The following P2RX3 variants were observed in gnomAD, a reference collection of about 807,000 sequenced individuals.
P2RX3 encodes P2X purinoceptor 3.
In P2RX3, 41 loss-of-function variants were observed where a neutral mutation model predicts 51.5. The observed-to-expected ratio is 0.80, with a 90% confidence interval of 0.62 to 1.03. The LOEUF (loss-of-function observed/expected upper bound fraction) is 1.03. P2RX3 is among the 50% of genes least tolerant of loss of function. The pLI, the probability that P2RX3 is intolerant of heterozygous loss-of-function variation, is 0.00. For missense variants in P2RX3, 459 were observed against 522.1 expected, an observed-to-expected ratio of 0.88 and a Z score of 1.18; for synonymous variants, 185 against 191.6, an observed-to-expected ratio of 0.97 and a Z score of 0.29.
intron 4 of P2RX3, 82 bp from the exon 5 acceptor site, chr11:57,348,088 T>G: frequency 2.9e-5 from 35 of 1,225,324 alleles, no homozygotes; most frequent in Non-Finnish European, 3.7e-5. Flanking sequence ...GGGTCCCTGA[T>G]GGGGGGAAGG....
intron 5 of P2RX3, 63 bp from the exon 6 acceptor site, chr11:57,348,564 G>A (rs1856485225): frequency 7.0e-6 from 10 of 1,427,462 alleles, no homozygotes; most frequent in Non-Finnish European, 9.9e-6. Flanking sequence ...TCGCCCTCAG[G>A]TGAAAGCCTT....
rs765276339 is a variant in P2RX3 at position 57,369,897 on chromosome 11, C to T, written c.1094C>T (p.Thr365Met). 33 of 1,612,354 alleles carry T rather than the reference C, an allele frequency of 2.0e-5. No homozygotes were observed. Among genetic ancestry groups the T allele is most frequent in the South Asian group, 8.8e-5 (8 of 91,022 alleles). The stretch of plus-strand genomic sequence containing the variant: ...TTTCGCCTGCAGGTGAATGAGACTA[C>T]GCTGAAAATCGCGGCTTTGACCAAC... ...AKKFEEVNET[T>M]LKIAALTNPV... is the part of the protein sequence containing the mutation. Residue 365 changes from threonine (T) to methionine (M), a missense_variant, in exon 12 of 12, where the codon ACG (threonine) becomes ATG (methionine). Coordinates refer to ENST00000263314, the MANE Select transcript of P2RX3 (RefSeq NM_002559.5).
At chr11:57,345,769 C>A (rs1400808305) in intron 1 of P2RX3, among the ~76,000 whole-genome samples, 1 of 152,068 alleles carries the variant, frequency 6.6e-6, no homozygotes, top group East Asian at 1.9e-4. Flanking sequence ...TCCACGTGGT[C>A]CCATTATGGC....
chr11:57,343,268 GT>G (rs1319893540), intron 1 of P2RX3, among the ~76,000 whole-genome samples: 1 of 152,226 alleles, frequency 6.6e-6, no homozygotes, highest in Non-Finnish European at 1.5e-5. Flanking sequence ...GGAGGAGGAG[GT>G]AGGAGATTGG....
Position 57,345,656 on chromosome 11 carries a change from G to A in P2RX3, c.120-888G>A, listed in dbSNP as rs912296104. Reference sequence around the variant, plus strand: ...CAAATGGAAAGGCAGGCACTTTATAGGAAAGCAGAGGCACGAGTTGCCAGC... The same window carrying A: ...CAAATGGAAAGGCAGGCACTTTATAAGAAAGCAGAGGCACGAGTTGCCAGC... On this transcript the variant is annotated intron_variant, in intron 1 of 11. Coordinates refer to ENST00000263314, the MANE Select transcript of P2RX3 (RefSeq NM_002559.5). Among the ~76,000 whole-genome samples, 19 of 152,180 alleles carry A rather than the reference G, an allele frequency of 1.2e-4. 1 individual carries two copies. The highest frequency in any genetic ancestry group is 4.3e-4 in the African/African-American group (18 of 41,446).
chr11:57,360,426 G>T (rs1856696437), intron 8 of P2RX3, among the ~76,000 whole-genome samples: 1 of 152,176 alleles, frequency 6.6e-6, no homozygotes, highest in African/African-American at 2.4e-5. Flanking sequence ...AAGAATCTCA[G>T]AAATTATTTA....
chr11:57,367,328 G>A (rs997929332), intron 8 of P2RX3, among the ~76,000 whole-genome samples: 1 of 152,216 alleles, frequency 6.6e-6, no homozygotes, highest in Non-Finnish European at 1.5e-5. Flanking sequence ...GAGTGAGCTG[G>A]GCTCTGGGAG....
chr11:57,341,694 C>A (rs1590621180), intron 1 of P2RX3, among the ~76,000 whole-genome samples: 1 of 152,164 alleles, frequency 6.6e-6, no homozygotes, highest in Admixed American at 6.5e-5. Flanking sequence ...ATAGCCTGTG[C>A]TTGGCCTGAG....
rs1856506092 is a variant in P2RX3 at position 57,349,628 on chromosome 11, TG to T, written c.564-127del. On this transcript the variant is annotated intron_variant, in intron 6 of 11. Coordinates refer to ENST00000263314, the MANE Select transcript of P2RX3 (RefSeq NM_002559.5). The stretch of plus-strand genomic sequence containing the variant: ...AGGGAAAGGAAAGAGGGGAGGGAGA[TG>T]GCGAGGTCCAGATGAAGGCTGAGGG... The T allele has an allele frequency of 5.6e-6, 6 of 1,079,374 alleles. No homozygotes were observed. In the East Asian group the frequency reaches 1.6e-4, roughly 28 times the overall value. 66.9% of individuals were successfully genotyped at this position (1,079,374 alleles called of 1,614,324 possible). A position where few individuals can be genotyped will look rare whatever the true frequency, so the allele number is the denominator to read the frequency against.
rs373800110 is a variant in P2RX3 at position 57,349,737 on chromosome 11, C to T, written c.564-20C>T. On this transcript the variant is annotated intron_variant, in intron 6 of 11. Coordinates refer to ENST00000263314, the MANE Select transcript of P2RX3 (RefSeq NM_002559.5). The stretch of plus-strand genomic sequence containing the variant: ...CTTCCCATGAACCCTGGGCTGACCT[C>T]TCTCTCTGCTCCTCCCCAGGGGAAA... 27 of 1,613,890 alleles carry T rather than the reference C, an allele frequency of 1.7e-5. No homozygotes were observed. The highest frequency in any genetic ancestry group is 2.3e-5 in the Non-Finnish European group (27 of 1,179,946).
intron 10 of P2RX3, among the ~76,000 whole-genome samples, chr11:57,368,706 C>T (rs1038522980): frequency 6.6e-6 from 1 of 152,178 alleles, no homozygotes; most frequent in East Asian, 1.9e-4. Context: ...TCCCGTTTCT[C>T]ACCGTATAGC....
intron 8 of P2RX3, among the ~76,000 whole-genome samples, chr11:57,354,994 T>C (rs369303606): frequency 6.6e-6 from 1 of 152,078 alleles, no homozygotes; most frequent in Non-Finnish European, 1.5e-5. Flanking sequence ...GACAGGAACA[T>C]GGAGACGGAC....
intron 4 of P2RX3, 26 bp downstream of exon 4, chr11:57,347,504 A>C: frequency 6.4e-7 from 1 of 1,551,400 alleles, no homozygotes; most frequent in South Asian, 1.2e-5. Context: ...TACCCACCCC[A>C]CAATCCCAAG....
Position 57,338,419 on chromosome 11 carries a change from G to C in P2RX3, c.-132G>C, listed in dbSNP as rs564729318. 4.9e-4 allele frequency: 274 copies of C among 563,190 alleles called. No individual in the cohort carries two copies. The highest frequency in any genetic ancestry group is 7.7e-4 in the Non-Finnish European group (236 of 306,886). The allele number at this position is 563,190 out of a possible 1,614,324, so 34.9% of individuals were successfully genotyped here. ...AGGATTGCATGGCTTAAAGGGACAGGCTCCCCATTCCTCCAACCCCTCTAA... is the reference window on the plus strand; with the variant it reads ...AGGATTGCATGGCTTAAAGGGACAGCCTCCCCATTCCTCCAACCCCTCTAA... On this transcript the variant is annotated 5_prime_UTR_variant, in exon 1 of 12. Coordinates refer to ENST00000263314, the MANE Select transcript of P2RX3 (RefSeq NM_002559.5).
chr11:57,368,489 C>G (rs1394541926), intron 10 of P2RX3, 52 bp downstream of exon 10: 2 of 1,593,886 alleles, frequency 1.3e-6, no homozygotes, highest in African/African-American at 1.3e-5. Flanking sequence ...GGGGCCCGGA[C>G]TGGTACCAGC....
intron 1 of P2RX3, 41 bp downstream of exon 1, chr11:57,338,710 C>G: frequency 4.3e-6 from 6 of 1,403,490 alleles, no homozygotes; most frequent in Non-Finnish European, 6.0e-6. Flanking sequence ...GGGTGGGCTG[C>G]CTGGTATCCC....
intron 1 of P2RX3, chr11:57,340,409 A>G (rs1856317231): frequency 6.6e-6 from 1 of 152,286 alleles, no homozygotes; most frequent in South Asian, 2.1e-4. Context: ...AACCCCATCC[A>G]TCTCCTAGCC....
At chr11:57,354,100 G>T (rs1303526121) in intron 8 of P2RX3, among the ~76,000 whole-genome samples, 1 of 152,082 alleles carries the variant, frequency 6.6e-6, no homozygotes, top group Admixed American at 6.6e-5. Flanking sequence ...CCTGACACTG[G>T]GGGATATCTG....
At position 57,347,453 on chromosome 11, in the gene P2RX3, CG is replaced by C; in HGVS notation, c.369del (p.Pro124LeufsTer15). ...ACCGCTGTGTATCAGACAGCCAGTG[CG>C]GGCCTGAGCGCTTGCCAGGTGGGGG... is the stretch of plus-strand genomic sequence containing the variant. The part of the protein sequence containing the change: ...KYRCVSDSQC[G>X]PERLPGGGIL... On this transcript the variant is annotated frameshift_variant, in exon 4 of 12. Transcript: ENST00000263314. LOFTEE classifies it high-confidence loss of function. 6.4e-7 allele frequency: 1 copy of C among 1,558,276 alleles called. No individual in the cohort carries two copies. Among genetic ancestry groups the C allele is most frequent in the African/African-American group, 1.4e-5 (1 of 73,496 alleles).
Sources: allele counts gnomAD v4.1 joint callset (sites outside exome capture counted in the v4.1 genomes callset), GRCh38; gene constraint gnomAD v4.1.1; transcripts MANE v1.5; gene names NCBI Gene and HGNC (gene_info 2026-07-23, HGNC 2026-07-21).